BAZ2B: variants seen among roughly 807,000 people sequenced by gnomAD.
The protein encoded by BAZ2B is bromodomain adjacent to zinc finger domain 2B.
Under a neutral mutation model 246.0 loss-of-function variants are expected in BAZ2B, and 91 were observed. That is an observed-to-expected ratio of 0.37 (90% CI 0.31 to 0.44). The LOEUF is 0.44. BAZ2B is among the 20% of genes least tolerant of loss of function. The pLI, the probability that BAZ2B is intolerant of heterozygous loss-of-function variation, is 1.00. For missense variants in BAZ2B, 2,332 were observed against 2,533.7 expected (o/e 0.92, Z 1.71); for synonymous variants, 855 against 860.0 (o/e 0.99, Z 0.10).
At chr2:159,508,831 C>T (rs1382038082) in intron 2 of BAZ2B, among the ~76,000 whole-genome samples, 1 of 152,026 alleles carries the variant, frequency 6.6e-6, no homozygotes, top group Non-Finnish European at 1.5e-5. Context: ...CATTTATTTC[C>T]TTATTGAATC....
At position 159,382,470 on chromosome 2, in the gene BAZ2B, C is replaced by T. The variant is rs1469402657; in HGVS notation, c.4005+89G>A. The T allele has an allele frequency of 7.4e-6, 10 of 1,349,198 alleles. No individual in the cohort carries two copies. The South Asian group carries it at 1.2e-4, about 16-fold the overall frequency. 83.6% of individuals were successfully genotyped at this position (1,349,198 alleles called of 1,614,324 possible). A position where few individuals can be genotyped will look rare whatever the true frequency, so the allele number is the denominator to read the frequency against. ...GGCAAGTAAATGTCAAAACTGAATT[C>T]AAATCCGAATCCATCTGACTCCAAA... On this transcript the variant is annotated intron_variant, in intron 25 of 36. Coordinates refer to ENST00000392783, the MANE Select transcript of BAZ2B (RefSeq NM_013450.4).
chr2:159,616,154 T>C (rs1005537547), intron 1 of BAZ2B, 88 bp downstream of exon 1: 1 of 152,232 alleles, frequency 6.6e-6, no homozygotes, highest in African/African-American at 2.4e-5. Flanking sequence ...CCGAGCGCAG[T>C]TTCTCCGCTG....
At chr2:159,372,779 A>C (rs938152170) in intron 27 of BAZ2B, among the ~76,000 whole-genome samples, 8 of 152,220 alleles carry the variant, frequency 5.3e-5, no homozygotes, top group Non-Finnish European at 4.4e-5. Context: ...AAAAGGTAAT[A>C]TAGATGGAAA....
rs1206227394 is a variant in BAZ2B, at chr2:159,332,553, G to A, written c.5930C>T (p.Ala1977Val). Residue 1977 changes from alanine (A) to valine (V), a missense_variant, in exon 34 of 37, where the codon GCT (alanine) becomes GTT (valine). This residue lies in a region of BAZ2B where 210 missense variants were observed against 232.5 expected (regional missense o/e 0.90). Coordinates refer to ENST00000392783, the MANE Select transcript of BAZ2B (RefSeq NM_013450.4). ...TIPDGDWFCP[A>V]CIAKASGQTL... The stretch of plus-strand genomic sequence containing the variant: ...GATTGGTCTTACCTTAGCAATGCAA[G>A]CTGGACAAAACCAGTCTCCATCTGG... The A allele has an allele frequency of 3.7e-6, 6 of 1,613,566 alleles. No individual in the cohort carries two copies. Among genetic ancestry groups the A allele is most frequent in the Non-Finnish European group, 5.1e-6 (6 of 1,179,794 alleles).
intron 34 of BAZ2B, among the ~76,000 whole-genome samples, chr2:159,327,437 A>G (rs1260530267): frequency 6.6e-6 from 1 of 152,206 alleles, no homozygotes. Flanking sequence ...CTTTCACCAT[A>G]TGATATCAAA....
the BAZ2B span, among the ~76,000 whole-genome samples, chr2:159,692,388 C>T: frequency 6.6e-6 from 1 of 152,076 alleles, no homozygotes; most frequent in Non-Finnish European, 1.5e-5. Context: ...GACCTCCTGA[C>T]CTCAGGTGAT....
intron 2 of BAZ2B, among the ~76,000 whole-genome samples, chr2:159,538,714 A>AT (rs1376487966): frequency 6.6e-6 from 1 of 152,248 alleles, no homozygotes; most frequent in East Asian, 1.9e-4. Context: ...TCCTTTGTTT[A>AT]TAATCATACA....
chr2:159,685,948 A>G, the BAZ2B span, among the ~76,000 whole-genome samples: 1 of 152,188 alleles, frequency 6.6e-6, no homozygotes, highest in African/African-American at 2.4e-5. Context: ...AAGAACAAGA[A>G]AAATTGGAAT....
At chr2:159,361,270 C>A (rs1036877170) in intron 27 of BAZ2B, among the ~76,000 whole-genome samples, 2 of 152,080 alleles carry the variant, frequency 1.3e-5, no homozygotes, top group South Asian at 2.1e-4. Flanking sequence ...TATAAACAAC[C>A]CCATCAAAAA....
chr2:159,639,771 AAGG>A, the BAZ2B span, among the ~76,000 whole-genome samples: 1 of 152,134 alleles, frequency 6.6e-6, no homozygotes, highest in South Asian at 2.1e-4. Context: ...GGAAGGAGAG[AAGG>A]AGGAGAAGAC....
chr2:159,681,331 A>G, the BAZ2B span, among the ~76,000 whole-genome samples: 2 of 152,140 alleles, frequency 1.3e-5, no homozygotes, highest in Non-Finnish European at 2.9e-5. Flanking sequence ...AAGATGTTCA[A>G]AGAAATAAAG....
chr2:159,640,181 A>G, the BAZ2B span, among the ~76,000 whole-genome samples: 1 of 152,188 alleles, frequency 6.6e-6, no homozygotes, highest in African/African-American at 2.4e-5. Flanking sequence ...TATATCCAAC[A>G]CTGGAGCAGC....
chr2:159,417,677 T>C (rs2067996146), intron 13 of BAZ2B, among the ~76,000 whole-genome samples: 1 of 152,172 alleles, frequency 6.6e-6, no homozygotes, highest in Non-Finnish European at 1.5e-5. Flanking sequence ...CTGTAATATA[T>C]TATAAAAATG....
chr2:159,689,170 C>A, the BAZ2B span: 1 of 417,776 alleles, frequency 2.4e-6, no homozygotes, highest in Non-Finnish European at 4.4e-6. Context: ...ACGTATTTTT[C>A]TCACAAATAG....
chr2:159,348,868 T>C lies in BAZ2B; in HGVS notation c.5138-35A>G, dbSNP rs764965019. ...GATAAATAAGTAGAACTTTTACAAA[T>C]ATTTTGAATAGGAAATGACACCATG... On this transcript the variant is annotated intron_variant, in intron 29 of 36. Transcript: ENST00000392783. The C allele has an allele frequency of 2.5e-6, 4 of 1,570,520 alleles. No homozygotes were observed. The African/African-American group carries it at 5.5e-5, about 22-fold the overall frequency.
intron 2 of BAZ2B, among the ~76,000 whole-genome samples, chr2:159,494,560 T>C (rs1244171459): frequency 6.6e-6 from 1 of 152,216 alleles, no homozygotes; most frequent in Non-Finnish European, 1.5e-5. Context: ...AGAGCAGCTG[T>C]ACAAAATTCT....
Position 159,398,886 on chromosome 2 carries a change from CT to C in BAZ2B, c.2906del (p.Lys969ArgfsTer19). The C allele has an allele frequency of 6.2e-7, 1 of 1,610,182 alleles. No individual in the cohort carries two copies. Among genetic ancestry groups the C allele is most frequent in the Non-Finnish European group, 8.5e-7 (1 of 1,179,748 alleles). ...LRAQQILEAKKKKKEEAANAK... is the reference protein window; with the variant it reads ...LRAQQILEAKXKKKEEAANAK... ...CATTTGCCGCTTCTTCCTTCTTTTT[CT>C]TTTTAGCCTGTGCATGCAAAACAGG... On this transcript the variant is annotated frameshift_variant, in exon 18 of 37. Coordinates refer to ENST00000392783, the MANE Select transcript of BAZ2B (RefSeq NM_013450.4). LOFTEE classifies it high-confidence loss of function.
In BAZ2B at chr2:159,412,357, C is replaced by G; in HGVS notation, c.2655G>C (p.Leu885Phe). ...TACCTTGAGCTTGCAGTTTTCTTAG[C>G]AACTTTGCATCTGCGTTATCTAGGA... ...AEFLDNADAK[L>F]LRKLQAQEIA... The change falls in exon 14 of 37, where the codon TTG becomes TTC. Residue 885 changes from leucine to phenylalanine, a missense_variant. Transcript: ENST00000392783. 1 of 1,614,102 alleles carries G rather than the reference C, an allele frequency of 6.2e-7. No homozygotes were observed. The highest frequency in any genetic ancestry group is 8.5e-7 in the Non-Finnish European group (1 of 1,179,998).
chr2:159,382,638 T>C lies in BAZ2B; in HGVS notation c.3926A>G (p.Asp1309Gly). Reference sequence around the variant, plus strand: ...ATCCTCATCATCTTCATCCCCTTGGTCATCACTGTCATCGTCATCATCATC... The same window carrying C: ...ATCCTCATCATCTTCATCCCCTTGGCCATCACTGTCATCGTCATCATCATC... ...YDDDDDDDSDDQGDEDDEDEE... is the reference protein window; with the variant it reads ...YDDDDDDDSDGQGDEDDEDEE... Residue 1309 changes from aspartate (D) to glycine (G), a missense_variant, in exon 25 of 37, where the codon GAC becomes GGC. Around this residue, in one of 9 missense-constraint regions of BAZ2B, gnomAD observed 676 missense variants for 668.6 expected, o/e 1.01. Coordinates refer to ENST00000392783, the MANE Select transcript of BAZ2B (RefSeq NM_013450.4). 6.3e-7 allele frequency: 1 copy of C among 1,581,642 alleles called. No individual in the cohort carries two copies. The highest frequency in any genetic ancestry group is 8.6e-7 in the Non-Finnish European group (1 of 1,160,968).
Sources: allele counts gnomAD v4.1 joint callset (sites outside exome capture counted in the v4.1 genomes callset), GRCh38; gene constraint gnomAD v4.1.1; regional missense constraint gnomAD v4.1.1; transcripts MANE v1.5; gene names NCBI Gene and HGNC (gene_info 2026-07-23, HGNC 2026-07-21).